Variants in NEDD9 observed in about 807,000 individuals in gnomAD.
NEDD9 encodes enhancer of filamentation 1.
NEDD9 carries 26 observed loss-of-function variants against 76.6 expected under a neutral mutation model. The observed-to-expected ratio is 0.34, with a 90% CI of 0.25 to 0.47. The LOEUF is 0.47. Among genes scored for constraint, NEDD9 ranks in the 20% least tolerant of loss-of-function variants. The pLI, the probability that NEDD9 is intolerant of heterozygous loss-of-function variation, is 1.00. For synonymous variants in NEDD9, 392 were observed against 414.2 expected (o/e 0.95, Z 0.65); for missense variants, 937 against 1,058.5 (o/e 0.89, Z 1.59).
chr6:11,319,411 CACAT>C (rs945049302), intron 2 of NEDD9, among the ~76,000 whole-genome samples: 3 of 151,866 alleles, frequency 2.0e-5, no homozygotes, highest in Admixed American at 6.6e-5. Context: ...CATGCACCCT[CACAT>C]ACAGTCACAC....
chr6:11,311,774 C>T (rs1429201658), intron 2 of NEDD9, among the ~76,000 whole-genome samples: 3 of 152,122 alleles, frequency 2.0e-5, no homozygotes, highest in Non-Finnish European at 2.9e-5. Context: ...TTGGGTCGGG[C>T]GCAGAAGAAA....
At chr6:11,320,085 G>A (rs73362883) in intron 2 of NEDD9, among the ~76,000 whole-genome samples, 10,520 of 152,180 alleles carry the variant, frequency 0.069, 586 homozygotes, top group African/African-American at 0.15. Context: ...CTGGGAGCAC[G>A]GCTGCACTCC....
At chr6:11,343,154 G>C (rs1260964888) in intron 1 of NEDD9, among the ~76,000 whole-genome samples, 4 of 152,158 alleles carry the variant, frequency 2.6e-5, no homozygotes, top group African/African-American at 9.7e-5. Flanking sequence ...CTTCGGCCCA[G>C]TGCCGTGGCT....
rs1232230142 is a variant in NEDD9, at chr6:11,185,448, C to T, written c.2219G>A (p.Arg740Gln). ...FSCVSSAQPP[R>Q]IFVAHSKFVI... ...AAACTTGCTGTGTGCCACGAAGATTCGCGGGGGCTGGGCTGAGCTGACACA... is the reference window on the plus strand; with the variant it reads ...AAACTTGCTGTGTGCCACGAAGATTTGCGGGGGCTGGGCTGAGCTGACACA... The change falls in exon 7 of 7, where the codon CGA becomes CAA. Residue 740 changes from arginine (R) to glutamine (Q), a missense_variant. Physicochemically the swap from Arg to Gln is conservative, Grantham distance 43 (BLOSUM62 1). Transcript: ENST00000379446. 6.8e-6 allele frequency: 11 copies of T among 1,614,190 alleles called. No homozygotes were observed. Among genetic ancestry groups the T allele is most frequent in the East Asian group, 2.2e-5 (1 of 44,896 alleles).
rs530304025 is a variant in NEDD9 at position 11,336,552 on chromosome 6, C to T, written c.-213-1991G>A. On this transcript the variant is annotated intron_variant, in intron 1 of 3. Transcript: ENST00000397378. Reference sequence around the variant, plus strand: ...GTGGCACATCTGTATAGAGCAGCTACCATGAATGGTGCTTGCAGGACTGGA... The same window carrying T: ...GTGGCACATCTGTATAGAGCAGCTATCATGAATGGTGCTTGCAGGACTGGA... Among the ~76,000 whole-genome samples, 5 of 152,260 alleles carry T rather than the reference C, an allele frequency of 3.3e-5. No individual in the cohort carries two copies. The South Asian group carries it at 1.0e-3, about 32-fold the overall frequency.
In NEDD9 at chr6:11,333,816, G is replaced by T. The variant is rs147864251; in HGVS notation, c.-153+685C>A. Among the ~76,000 whole-genome samples, 312 of 152,332 alleles carry T rather than the reference G, an allele frequency of 2.0e-3. 4 individuals carry two copies. The highest frequency in any genetic ancestry group is 6.9e-3 in the African/African-American group (286 of 41,566). On this transcript the variant is annotated intron_variant, in intron 2 of 3. Coordinates refer to the NEDD9 transcript ENST00000397378. ...TGTTCTGGCAGCTTGTGAACCTGGG[G>T]CTGTGTCTGCATGCCCTGAACAGTG...
intron 3 of NEDD9, among the ~76,000 whole-genome samples, chr6:11,273,755 T>A (rs1760362017): frequency 6.6e-6 from 1 of 152,202 alleles, no homozygotes; most frequent in Admixed American, 6.5e-5. Context: ...AGAGCCTCAC[T>A]CAATATGAGA....
At position 11,361,869 on chromosome 6, in the gene NEDD9, A is replaced by G. The variant is rs1012275014; in HGVS notation, c.-214+20270T>C. ...GGGCTGAGATGGGCTGGGGTGTTCA[A>G]GAAGTAGGTGGTATGTGAGCTGAGC... On this transcript the variant is annotated intron_variant, in intron 1 of 3. Coordinates refer to the NEDD9 transcript ENST00000397378. Among the ~76,000 whole-genome samples, 9 of 152,310 alleles carry G rather than the reference A, an allele frequency of 5.9e-5. 1 individual carries two copies. Among genetic ancestry groups the G allele is most frequent in the Non-Finnish European group, 1.2e-4 (8 of 68,024 alleles).
At chr6:11,298,434 G>A (rs1193765033) in intron 3 of NEDD9, among the ~76,000 whole-genome samples, 2 of 152,122 alleles carry the variant, frequency 1.3e-5, no homozygotes, top group Non-Finnish European at 2.9e-5. Flanking sequence ...AAAAAATTGA[G>A]GTGGTGAAAT....
intron 1 of NEDD9, among the ~76,000 whole-genome samples, chr6:11,218,775 T>C (rs1235052638): frequency 6.6e-6 from 1 of 152,160 alleles, no homozygotes; most frequent in Non-Finnish European, 1.5e-5. Flanking sequence ...AGAAATGTCA[T>C]GTCCAAGTCA....
chr6:11,378,345 T>G (rs1763002534), intron 1 of NEDD9, among the ~76,000 whole-genome samples: 1 of 152,218 alleles, frequency 6.6e-6, no homozygotes, highest in South Asian at 2.1e-4. Flanking sequence ...TCACCATGAC[T>G]GTAAGCTTCC....
In NEDD9 at chr6:11,192,538, C is replaced by T. The variant is rs1758174947; in HGVS notation, c.562-92G>A. 6 of 855,356 alleles carry T rather than the reference C, an allele frequency of 7.0e-6. No homozygotes were observed. In the Admixed American group the frequency reaches 1.1e-4, roughly 16 times the overall value. The allele number at this position is 855,356 out of a possible 1,614,324, so 53.0% of individuals were successfully genotyped here. On this transcript the variant is annotated intron_variant, in intron 3 of 6. Transcript: ENST00000379446. ...AAGCACTTAATTATGGATTTATTTA[C>T]CAGGTTATGTACAAGCTTGATCTTT... is the stretch of plus-strand genomic sequence containing the variant.
intron 3 of NEDD9, among the ~76,000 whole-genome samples, chr6:11,239,632 C>T (rs1759669145): frequency 6.6e-6 from 1 of 152,202 alleles, no homozygotes; most frequent in Non-Finnish European, 1.5e-5. Flanking sequence ...TTTCCCTCCA[C>T]TAATATTTTG....
At position 11,198,111 on chromosome 6, in the gene NEDD9, G is replaced by A. The variant is rs1242563668; in HGVS notation, c.460-4419C>T. Among the ~76,000 whole-genome samples the A allele has an allele frequency of 6.6e-6, 1 of 152,150 alleles. No individual in the cohort carries two copies. Among genetic ancestry groups the A allele is most frequent in the Non-Finnish European group, 1.5e-5 (1 of 68,030 alleles). ...GACAGAACTCCTTCTACCGAAAGAGGGAAGACATTGCGCCCTGTGTTGCCA... is the reference window on the plus strand; with the variant it reads ...GACAGAACTCCTTCTACCGAAAGAGAGAAGACATTGCGCCCTGTGTTGCCA... On this transcript the variant is annotated intron_variant, in intron 2 of 6. Coordinates refer to ENST00000379446, the MANE Select transcript of NEDD9 (RefSeq NM_006403.4). This position sits in a 1 kb window ranked among gnomAD's most constrained non-coding sequence, Gnocchi z 4.7.
chr6:11,200,936 C>T, intron 2 of NEDD9: 1 of 1,614,084 alleles, frequency 6.2e-7, no homozygotes, highest in Non-Finnish European at 8.5e-7. Flanking sequence ...AAACTCAGGA[C>T]ACTTTATTAA....
intron 2 of NEDD9, among the ~76,000 whole-genome samples, chr6:11,319,642 C>T (rs1395617741): frequency 1.4e-5 from 2 of 145,326 alleles, no homozygotes; most frequent in East Asian, 2.0e-4. Context: ...CTAACATGCA[C>T]ACTCACACAT....
intron 2 of NEDD9, among the ~76,000 whole-genome samples, chr6:11,196,392 A>G (rs534672503): frequency 3.9e-4 from 60 of 152,318 alleles, no homozygotes; most frequent in African/African-American, 1.3e-3. Context: ...AAATAGCACT[A>G]GGTGACATAT....
chr6:11,289,276 C>G (rs1760713588), intron 3 of NEDD9, among the ~76,000 whole-genome samples: 1 of 152,126 alleles, frequency 6.6e-6, no homozygotes, highest in Admixed American at 6.5e-5. Context: ...TTATATCTGA[C>G]CTGTAAAATC....
chr6:11,202,466 A>T (rs1758479108), intron 2 of NEDD9, among the ~76,000 whole-genome samples: 1 of 152,192 alleles, frequency 6.6e-6, no homozygotes, highest in Non-Finnish European at 1.5e-5. Context: ...AAACATTACC[A>T]TTATCACTGC....
Sources: gnomAD v4.1 joint callset for allele counts (sites outside exome capture counted in the v4.1 genomes callset) on GRCh38, gnomAD v4.1.1 for gene constraint, Gnocchi (gnomAD v3.1) non-coding constraint, MANE v1.5 for transcripts, NCBI Gene and HGNC (gene_info 2026-07-23, HGNC 2026-07-21) for gene names.